Variants in TBC1D22A observed in about 807,000 individuals in gnomAD.
TBC1D22A encodes putative GTPase activator.
In TBC1D22A, 38 loss-of-function variants were observed where a neutral mutation model predicts 60.2. The ratio of observed to expected loss-of-function variants is 0.63; its 90% CI spans 0.49 to 0.83. The LOEUF (loss-of-function observed/expected upper bound fraction) is 0.83. Ranked by LOEUF, TBC1D22A falls within the 40% of genes least tolerant of loss-of-function variation. The pLI, the probability that TBC1D22A is intolerant of heterozygous loss-of-function variation, is 0.00. For missense variants in TBC1D22A, 628 were observed against 701.0 expected, an observed-to-expected ratio of 0.90 and a Z score of 1.18; for synonymous variants, 302 against 281.7, an observed-to-expected ratio of 1.07 and a Z score of -0.72.
At chr22:46,928,581 GAA>G (rs1277318206) in intron 8 of TBC1D22A, among the ~76,000 whole-genome samples, 5 of 152,222 alleles carry the variant, frequency 3.3e-5, no homozygotes, top group African/African-American at 9.6e-5. Flanking sequence ...TCATCAAAAT[GAA>G]AACTTTGGTG....
At chr22:46,805,284 G>T (rs767937630) in intron 4 of TBC1D22A, among the ~76,000 whole-genome samples, 49 of 152,206 alleles carry the variant, frequency 3.2e-4, no homozygotes, top group Non-Finnish European at 5.3e-4. Flanking sequence ...GCGGTGAGTG[G>T]GGCATCACTG....
At chr22:47,170,288 A>G (rs738673) in intron 12 of TBC1D22A, among the ~76,000 whole-genome samples, 59,390 of 152,032 alleles carry the variant, frequency 0.39, 12,894 homozygotes, top group East Asian at 0.72. Context: ...TCGGTGAGTT[A>G]CCGTAATGGG....
At chr22:46,771,473 G>C (rs1000807087) in intron 1 of TBC1D22A, among the ~76,000 whole-genome samples, 1 of 152,068 alleles carries the variant, frequency 6.6e-6, no homozygotes, top group African/African-American at 2.4e-5. Flanking sequence ...CAGTGCACCC[G>C]AGCAGTATAC....
At chr22:46,942,931 C>T (rs1292573339) in intron 8 of TBC1D22A, among the ~76,000 whole-genome samples, 1 of 152,092 alleles carries the variant, frequency 6.6e-6, no homozygotes, top group Non-Finnish European at 1.5e-5. Flanking sequence ...AGGTGTGGGC[C>T]GGTTGGTGAA....
At position 46,762,737 on chromosome 22, in the gene TBC1D22A, G is replaced by C; in HGVS notation, c.-50G>C. The C allele has an allele frequency of 7.2e-7, 1 of 1,392,082 alleles. No individual in the cohort carries two copies. The highest frequency in any genetic ancestry group is 9.3e-7 in the Non-Finnish European group (1 of 1,072,374). 86.2% of individuals were successfully genotyped at this position (1,392,082 alleles called of 1,614,324 possible). On this transcript the variant is annotated 5_prime_UTR_variant, in exon 1 of 13. Transcript: ENST00000337137. The stretch of plus-strand genomic sequence containing the variant: ...AGGAAAGGGCCGCTAGGGGAGGGCC[G>C]GGTGCACTCGGGGTGTCTGGGCCGC...
intron 12 of TBC1D22A, among the ~76,000 whole-genome samples, chr22:47,135,113 G>C (rs1432169520): frequency 6.6e-6 from 1 of 152,238 alleles, no homozygotes; most frequent in African/African-American, 2.4e-5. Context: ...CTGCTGCCGA[G>C]TGTCTTCCTC....
intron 12 of TBC1D22A, among the ~76,000 whole-genome samples, chr22:47,131,503 C>T (rs542618750): frequency 7.9e-5 from 12 of 152,338 alleles, no homozygotes; most frequent in Admixed American, 4.6e-4. Flanking sequence ...CAGGAGTGTT[C>T]CCCCTGCCCC....
chr22:47,090,854 G>GT (rs1474847653), intron 11 of TBC1D22A, among the ~76,000 whole-genome samples: 39 of 110,996 alleles, frequency 3.5e-4, no homozygotes, highest in East Asian at 1.3e-3. Flanking sequence ...GTCGTCTTTG[G>GT]GGGGAGTGGC....
chr22:46,904,667 C>T (rs1191407939), intron 7 of TBC1D22A, among the ~76,000 whole-genome samples: 1 of 150,886 alleles, frequency 6.6e-6, no homozygotes, highest in African/African-American at 2.4e-5. Flanking sequence ...GGGGTTTCTC[C>T]ATGTTGGTCA....
chr22:47,004,441 AC>A (rs2061514189), intron 10 of TBC1D22A, among the ~76,000 whole-genome samples: 1 of 148,150 alleles, frequency 6.7e-6, no homozygotes, highest in Admixed American at 6.7e-5. Context: ...CCCTACACAT[AC>A]CCCTATATAC....
rs756881799 is a variant in TBC1D22A, at chr22:46,933,627, G to T, written c.1015+21439G>T. On this transcript the variant is annotated intron_variant, in intron 8 of 12. Coordinates refer to ENST00000337137, the MANE Select transcript of TBC1D22A (RefSeq NM_014346.5). ...GGACAGAGACAGGGAGAGACCACTG[G>T]GGGGGGGTTGGCCCCCTGTGCCAGG... Among the ~76,000 whole-genome samples the T allele has an allele frequency of 6.8e-4, 103 of 152,076 alleles. 1 individual carries two copies. The highest frequency in any genetic ancestry group is 3.4e-3 in the Middle Eastern group (1 of 294).
intron 4 of TBC1D22A, among the ~76,000 whole-genome samples, chr22:46,843,938 T>A (rs944275194): frequency 2.0e-5 from 3 of 151,904 alleles, no homozygotes; most frequent in African/African-American, 7.3e-5. Flanking sequence ...CCGTTGGCTG[T>A]GCTGGGGCCA....
chr22:46,765,778 C>CTTT (rs61163963), intron 1 of TBC1D22A, among the ~76,000 whole-genome samples: 1 of 131,062 alleles, frequency 7.6e-6, no homozygotes, highest in Non-Finnish European at 1.6e-5. Flanking sequence ...TGTTTTCCTC[C>CTTT]TTTTTTTTTT....
At chr22:47,014,915 C>T (rs921985117) in intron 10 of TBC1D22A, among the ~76,000 whole-genome samples, 1 of 152,262 alleles carries the variant, frequency 6.6e-6, no homozygotes, top group African/African-American at 2.4e-5. Context: ...CAGAGCCTCC[C>T]TCTCCCTTCT....
At chr22:47,096,707 A>C (rs1175283293) in intron 11 of TBC1D22A, among the ~76,000 whole-genome samples, 1 of 152,180 alleles carries the variant, frequency 6.6e-6, no homozygotes, top group East Asian at 1.9e-4. Flanking sequence ...CTGTAAGCCC[A>C]GCTACTTGGG....
At chr22:46,960,667 C>T (rs1297611706) in intron 8 of TBC1D22A, among the ~76,000 whole-genome samples, 1 of 152,108 alleles carries the variant, frequency 6.6e-6, no homozygotes, top group East Asian at 1.9e-4. Context: ...CCAGGCCAGG[C>T]GCGGCGTGGT....
At chr22:47,168,349 A>C (rs886937317) in intron 12 of TBC1D22A, among the ~76,000 whole-genome samples, 5 of 145,728 alleles carry the variant, frequency 3.4e-5, no homozygotes, top group Admixed American at 6.8e-5. Context: ...GGTTTTGGGG[A>C]TATAGGGACA....
At chr22:46,941,225 ACACACACACACAGT>A (rs1423434133) in intron 8 of TBC1D22A, among the ~76,000 whole-genome samples, 57 of 137,600 alleles carry the variant, frequency 4.1e-4, no homozygotes, top group African/African-American at 1.5e-3. Context: ...ACACACACAC[ACACACACACACAGT>A]CCACCCTTGA....
intron 10 of TBC1D22A, among the ~76,000 whole-genome samples, chr22:47,026,345 T>C (rs131945): frequency 0.43 from 65,082 of 152,094 alleles, 16,348 homozygotes; most frequent in African/African-American, 0.71. Context: ...TTCCTTCTTT[T>C]CACTTCTGTC....
Sources: gnomAD v4.1 joint callset for allele counts (sites outside exome capture counted in the v4.1 genomes callset) on GRCh38, gnomAD v4.1.1 for gene constraint, MANE v1.5 for transcripts, NCBI Gene and HGNC (gene_info 2026-07-23, HGNC 2026-07-21) for gene names.